Variants in UBR3 observed in about 807,000 individuals in gnomAD.
The protein encoded by UBR3 is ubiquitin protein ligase E3 component n-recognin 3.
In UBR3, 85 loss-of-function variants were observed where a neutral mutation model predicts 243.2. That is an observed-to-expected ratio of 0.35 (90% CI 0.29 to 0.42). The LOEUF (loss-of-function observed/expected upper bound fraction) is 0.42, where lower values mean the gene tolerates loss of function less well. Among genes scored for constraint, UBR3 ranks in the 10% least tolerant of loss-of-function variants. UBR3 has a pLI of 1.00. For missense variants in UBR3, 1,686 were observed against 2,300.8 expected (o/e 0.73, Z 5.47); for synonymous variants, 748 against 799.8 (o/e 0.94, Z 1.09).
At chr2:170,060,864 G>A (rs1242414971) in intron 33 of UBR3, among the ~76,000 whole-genome samples, 1 of 152,014 alleles carries the variant, frequency 6.6e-6, no homozygotes, top group Non-Finnish European at 1.5e-5. Context: ...TTTATATGCT[G>A]TCTTTTAAAG....
intron 25 of UBR3, 49 bp downstream of exon 25, chr2:169,986,843 A>G (rs752862672): frequency 1.9e-6 from 3 of 1,576,374 alleles, no homozygotes; most frequent in East Asian, 4.5e-5. Flanking sequence ...GCTGAAGTAT[A>G]TACAACAGAT....
At chr2:169,964,940 G>C (rs749817382) in intron 24 of UBR3, 1 of 456,806 alleles carries the variant, frequency 2.2e-6, no homozygotes, top group Non-Finnish European at 4.4e-6. Flanking sequence ...TCCCAGTCTC[G>C]GTTCTTGTAT....
In UBR3 at chr2:169,827,522, C is replaced by A; in HGVS notation, c.15C>A (p.Ala5=). MAAA[A]AAAVGGQQPS... ...GAGCTCTCATCATGGCGGCGGCGGC[C>A]GCGGCGGCCGTCGGGGGCCAGCAGC... Residue 5 remains alanine (A), a synonymous_variant, in exon 1 of 39, where the codon GCC becomes GCA. Coordinates refer to ENST00000272793, the MANE Select transcript of UBR3 (RefSeq NM_172070.4). 1 of 1,224,322 alleles carries A rather than the reference C, an allele frequency of 8.2e-7. No homozygotes were observed. The highest frequency in any genetic ancestry group is 1.6e-5 in the African/African-American group (1 of 63,722). The allele number at this position is 1,224,322 out of a possible 1,614,324, so 75.8% of individuals were successfully genotyped here. A position where few individuals can be genotyped will look rare whatever the true frequency, so the allele number is the denominator to read the frequency against.
rs990619714 is a variant in UBR3 at position 169,958,770 on chromosome 2, G to T, written c.3634+244G>T. 6.6e-5 allele frequency among the ~76,000 whole-genome samples: 10 copies of T among 152,182 alleles called. 1 individual carries two copies. In the South Asian group the frequency reaches 2.1e-3, roughly 32 times the overall value. Reference sequence around the variant, plus strand: ...GGTAGCAATATAGTATGCTCCTTTTGTTCTCTTCTGTTAAACGGTCTTTAG... The same window carrying T: ...GGTAGCAATATAGTATGCTCCTTTTTTTCTCTTCTGTTAAACGGTCTTTAG... On this transcript the variant is annotated intron_variant, in intron 24 of 38. Transcript: ENST00000272793.
At chr2:169,871,458 A>G (rs890154887) in intron 1 of UBR3, among the ~76,000 whole-genome samples, 1 of 151,692 alleles carries the variant, frequency 6.6e-6, no homozygotes, top group Non-Finnish European at 1.5e-5. Flanking sequence ...GCTTAAGCAT[A>G]CCAATCATAC....
intron 20 of UBR3, among the ~76,000 whole-genome samples, chr2:169,943,899 A>G (rs985440989): frequency 1.4e-4 from 21 of 151,980 alleles, no homozygotes; most frequent in Admixed American, 1.3e-3. Context: ...GTACTTTTAA[A>G]TTTCTATACT....
At chr2:169,926,149 A>G (rs889819686) in intron 14 of UBR3, among the ~76,000 whole-genome samples, 2 of 152,218 alleles carry the variant, frequency 1.3e-5, no homozygotes, top group African/African-American at 4.8e-5. Flanking sequence ...TGAGAGTTAG[A>G]TAAAGACAGT....
chr2:169,967,488 A>G (rs907407907), intron 24 of UBR3, among the ~76,000 whole-genome samples: 4 of 152,148 alleles, frequency 2.6e-5, no homozygotes, highest in African/African-American at 9.7e-5. Context: ...CTGTGACTCT[A>G]CCACTCTTGT....
At chr2:170,033,199 G>A (rs1305901466) in intron 31 of UBR3, among the ~76,000 whole-genome samples, 2 of 151,996 alleles carry the variant, frequency 1.3e-5, no homozygotes, top group Non-Finnish European at 1.5e-5. Flanking sequence ...TATGCTTTCT[G>A]TAATACTGAT....
At chr2:169,870,521 CT>C (rs1000473722) in intron 1 of UBR3, among the ~76,000 whole-genome samples, 2 of 150,998 alleles carry the variant, frequency 1.3e-5, no homozygotes, top group African/African-American at 4.9e-5. Context: ...TATCATTAAC[CT>C]TTTTTTTTCA....
chr2:170,022,019 G>T (rs891042247), intron 30 of UBR3, among the ~76,000 whole-genome samples: 2 of 152,088 alleles, frequency 1.3e-5, no homozygotes, highest in Non-Finnish European at 2.9e-5. Context: ...TTTAAACGAG[G>T]TGCTTAAATA....
chr2:169,866,593 T>G (rs1370864671), intron 1 of UBR3, among the ~76,000 whole-genome samples: 1 of 152,098 alleles, frequency 6.6e-6, no homozygotes, highest in East Asian at 1.9e-4. Context: ...GAACTCCTGA[T>G]CTCAAGTGAT....
intron 1 of UBR3, among the ~76,000 whole-genome samples, chr2:169,858,469 C>T (rs2082968317): frequency 6.6e-6 from 1 of 152,102 alleles, no homozygotes; most frequent in African/African-American, 2.4e-5. Flanking sequence ...AGGTATGTGC[C>T]ACCACACGGG....
chr2:169,839,603 T>C (rs1305369170), intron 1 of UBR3, among the ~76,000 whole-genome samples: 2 of 152,210 alleles, frequency 1.3e-5, no homozygotes, highest in Non-Finnish European at 2.9e-5. Context: ...TTACAAATTA[T>C]ATGAATGTAT....
At chr2:169,995,943 A>G (rs905875333) in intron 26 of UBR3, among the ~76,000 whole-genome samples, 3 of 152,202 alleles carry the variant, frequency 2.0e-5, no homozygotes, top group Non-Finnish European at 4.4e-5. Flanking sequence ...TGTGTCTTGA[A>G]TTAAATAAAT....
intron 31 of UBR3, among the ~76,000 whole-genome samples, chr2:170,032,920 A>G (rs2090718488): frequency 6.6e-6 from 1 of 152,062 alleles, no homozygotes; most frequent in African/African-American, 2.4e-5. Context: ...TACTCTTCAT[A>G]AAAACAACAA....
chr2:170,062,306 G>C (rs1475707066), intron 35 of UBR3, among the ~76,000 whole-genome samples: 1 of 152,202 alleles, frequency 6.6e-6, no homozygotes, highest in Non-Finnish European at 1.5e-5. Context: ...CTGCCATTCA[G>C]TTCTAGGGAA....
chr2:169,932,104 G>GTC (rs1553514875), intron 18 of UBR3, among the ~76,000 whole-genome samples: 2 of 149,730 alleles, frequency 1.3e-5, no homozygotes, highest in African/African-American at 4.9e-5. Flanking sequence ...TGGAGACTGA[G>GTC]TCTCACTCTG....
At chr2:170,052,196 A>G (rs2091234368) in intron 32 of UBR3, among the ~76,000 whole-genome samples, 1 of 152,112 alleles carries the variant, frequency 6.6e-6, no homozygotes, top group African/African-American at 2.4e-5. Context: ...GAAATCCTAT[A>G]ATTTCTGTCA....
Sources: allele counts gnomAD v4.1 joint callset (sites outside exome capture counted in the v4.1 genomes callset), GRCh38; gene constraint gnomAD v4.1.1; transcripts MANE v1.5; gene names NCBI Gene and HGNC (gene_info 2026-07-23, HGNC 2026-07-21).